The following PDE3B variants were observed in gnomAD, a reference collection of about 807,000 sequenced individuals.
PDE3B encodes the protein phosphodiesterase 3B.
A neutral mutation model predicts 116.8 loss-of-function variants in PDE3B; 66 were observed. That is an observed-to-expected ratio of 0.56 (90% confidence interval 0.46 to 0.69). PDE3B has a LOEUF of 0.69. PDE3B is among the 30% of genes least tolerant of loss of function. The probability of loss-of-function intolerance (pLI) is 0.00; values close to 1 mark genes in which losing one functional copy is unlikely to be tolerated. For missense variants in PDE3B, 1,384 were observed against 1,368.1 expected, an observed-to-expected ratio of 1.01 and a Z score of -0.18; for synonymous variants, 595 against 533.6, an observed-to-expected ratio of 1.12 and a Z score of -1.59.
chr11:14,800,644 T>C (rs1323698917), intron 4 of PDE3B, among the ~76,000 whole-genome samples: 3 of 152,188 alleles, frequency 2.0e-5, no homozygotes, highest in Non-Finnish European at 4.4e-5. Context: ...TTGGGGTTGC[T>C]CTTCTCAAGG....
intron 1 of PDE3B, among the ~76,000 whole-genome samples, chr11:14,664,784 C>G (rs913081409): frequency 1.3e-5 from 2 of 152,092 alleles, no homozygotes; most frequent in Non-Finnish European, 2.9e-5. Flanking sequence ...AATAGCTTAC[C>G]AACCAAAAAG....
At chr11:14,843,669 G>A (rs1454418014) in intron 11 of PDE3B, among the ~76,000 whole-genome samples, 158 bp from the exon 12 acceptor site, 1 of 152,064 alleles carries the variant, frequency 6.6e-6, no homozygotes, top group East Asian at 1.9e-4. Flanking sequence ...ATGTTAAATT[G>A]GGAATAATAT....
At chr11:14,772,833 A>G (rs1282110556) in intron 2 of PDE3B, 1 of 152,000 alleles carries the variant, frequency 6.6e-6, no homozygotes, top group Admixed American at 6.6e-5. Context: ...CTTTCCCATT[A>G]TGCTAAATTT....
chr11:14,710,773 CTA>C (rs1262587753), intron 1 of PDE3B, among the ~76,000 whole-genome samples: 1 of 152,142 alleles, frequency 6.6e-6, no homozygotes, highest in Non-Finnish European at 1.5e-5. Flanking sequence ...GCTATCCTTC[CTA>C]TAGCTCTTCT....
intron 7 of PDE3B, among the ~76,000 whole-genome samples, chr11:14,828,897 CAT>C (rs1233803857): frequency 6.6e-6 from 1 of 152,140 alleles, no homozygotes; most frequent in Non-Finnish European, 1.5e-5. Context: ...ATAGCAAAGA[CAT>C]AGAATCAACC....
At chr11:14,714,484 G>A (rs898274043) in intron 1 of PDE3B, among the ~76,000 whole-genome samples, 1 of 148,170 alleles carries the variant, frequency 6.7e-6, no homozygotes, top group Non-Finnish European at 1.5e-5. Flanking sequence ...AGGCTGCAGT[G>A]AGCCATGCCT....
At chr11:14,685,971 A>G (rs1297961862) in intron 1 of PDE3B, among the ~76,000 whole-genome samples, 2 of 152,082 alleles carry the variant, frequency 1.3e-5, no homozygotes, top group Non-Finnish European at 2.9e-5. Flanking sequence ...AAGCCCTTTT[A>G]TGGTTGCTGA....
intron 1 of PDE3B, among the ~76,000 whole-genome samples, chr11:14,731,608 AT>A (rs1856461383): frequency 6.6e-6 from 1 of 152,102 alleles, no homozygotes; most frequent in Non-Finnish European, 1.5e-5. Context: ...GTATAATGTC[AT>A]TTTTACAGAT....
At chr11:14,764,090 C>T (rs1857430837) in intron 1 of PDE3B, among the ~76,000 whole-genome samples, 1 of 152,068 alleles carries the variant, frequency 6.6e-6, no homozygotes, top group Admixed American at 6.6e-5. Flanking sequence ...AAGCTGTTAC[C>T]TCACCTGGGG....
At chr11:14,798,438 G>A (rs1429425217) in intron 4 of PDE3B, among the ~76,000 whole-genome samples, 6 of 152,056 alleles carry the variant, frequency 3.9e-5, no homozygotes, top group East Asian at 1.9e-4. Flanking sequence ...GGATGATGTC[G>A]GTGTCATAAA....
At chr11:14,753,215 T>C (rs1402062344) in intron 1 of PDE3B, among the ~76,000 whole-genome samples, 5 of 152,156 alleles carry the variant, frequency 3.3e-5, no homozygotes, top group African/African-American at 1.2e-4. Flanking sequence ...ATTACAAGCA[T>C]ATTTTCAGTA....
intron 1 of PDE3B, among the ~76,000 whole-genome samples, chr11:14,729,023 T>C (rs998968431): frequency 6.6e-6 from 1 of 152,194 alleles, no homozygotes; most frequent in African/African-American, 2.4e-5. Context: ...CCACCTTGTC[T>C]ACTCCCATAC....
intron 1 of PDE3B, among the ~76,000 whole-genome samples, chr11:14,745,993 C>A (rs1856900631): frequency 6.6e-6 from 1 of 152,206 alleles, no homozygotes; most frequent in African/African-American, 2.4e-5. Context: ...TTGTCCAGCT[C>A]TTCCCTTCAG....
intron 2 of PDE3B, 116 bp downstream of exon 2, chr11:14,772,103 A>C (rs1857662816): frequency 1.9e-6 from 1 of 537,378 alleles, no homozygotes; most frequent in African/African-American, 2.0e-5. Flanking sequence ...CTGTGCCATA[A>C]GATTTTCTTT....
At chr11:14,672,030 T>A (rs4757262) in intron 1 of PDE3B, among the ~76,000 whole-genome samples, 15,762 of 132,022 alleles carry the variant, frequency 0.12, 1,114 homozygotes, top group African/African-American at 0.2. Flanking sequence ...AAAAAAAAAA[T>A]ATATATATAT....
At chr11:14,770,204 A>G (rs1200041210) in intron 1 of PDE3B, among the ~76,000 whole-genome samples, 1 of 151,300 alleles carries the variant, frequency 6.6e-6, no homozygotes, top group Non-Finnish European at 1.5e-5. Context: ...ATTTTTAGTG[A>G]TATATCGTAT....
intron 1 of PDE3B, among the ~76,000 whole-genome samples, chr11:14,679,953 A>G (rs561070738): frequency 6.6e-6 from 1 of 152,164 alleles, no homozygotes; most frequent in East Asian, 2.0e-4. Context: ...ACCAGGAAGC[A>G]TGGGAAAAGA....
At chr11:14,777,439 C>T (rs963207045) in intron 2 of PDE3B, among the ~76,000 whole-genome samples, 18 of 152,204 alleles carry the variant, frequency 1.2e-4, no homozygotes, top group Admixed American at 1.3e-4. Flanking sequence ...AAAATCTACT[C>T]TCAGACATGT....
chr11:14,658,279 C>T (rs1452076649), intron 1 of PDE3B, among the ~76,000 whole-genome samples: 2 of 152,208 alleles, frequency 1.3e-5, no homozygotes, highest in African/African-American at 4.8e-5. Context: ...GGCATTGCCT[C>T]TCTCAACACG....
Sources: allele counts gnomAD v4.1 joint callset (sites outside exome capture counted in the v4.1 genomes callset), GRCh38; gene constraint gnomAD v4.1.1; transcripts MANE v1.5; gene names NCBI Gene and HGNC (gene_info 2026-07-23, HGNC 2026-07-21).